The following KCNQ1OT1 variants were observed in gnomAD, a reference collection of about 807,000 sequenced individuals.
KCNQ1OT1 encodes the protein KCNQ1 antisense RNA 2 (non-protein coding).
rs1469210147 is a variant in KCNQ1OT1, at chr11:2,690,896, GT to G, written n.9098del. The G allele has an allele frequency of 2.5e-6, 1 of 398,506 alleles. No individual in the cohort carries two copies. The highest frequency in any genetic ancestry group is 3.6e-5 in the East Asian group (1 of 28,094). 24.7% of individuals were successfully genotyped at this position (398,506 alleles called of 1,614,324 possible). On this transcript the variant is annotated non_coding_transcript_exon_variant, in exon 1 of 1. Transcript: ENST00000597346. The surrounding 1 kb of genome is among the most constrained non-coding windows in gnomAD (Gnocchi z 5.1). ...AGTGTAAGCCACTGTTTCCGTCTGG[GT>G]TTTGTCATGTGTAGGTCCCAGCGGC... is the stretch of plus-strand genomic sequence containing the variant.
In KCNQ1OT1 at chr11:2,674,041, C is replaced by T; in HGVS notation, n.25954G>A. ...GCTCTTTGGGCCTGGGGTGCAGCCC[C>T]TCATTTGTACTTGCTGGCTGCCCCA... On this transcript the variant is annotated non_coding_transcript_exon_variant, in exon 1 of 1. Transcript: ENST00000597346. This position sits in a 1 kb window ranked among gnomAD's most constrained non-coding sequence, Gnocchi z 5.9. 1 of 398,522 alleles carries T rather than the reference C, an allele frequency of 2.5e-6. No homozygotes were observed. Among genetic ancestry groups the T allele is most frequent in the Admixed American group, 4.4e-5 (1 of 22,724 alleles). 24.7% of individuals were successfully genotyped at this position (398,522 alleles called of 1,614,324 possible).
At position 2,691,012 on chromosome 11, in the gene KCNQ1OT1, G is replaced by A. The variant is rs577095860; in HGVS notation, n.8983C>T. ...CATCAATGAAGTGGGCAAAAGCTCT[G>A]GGTGAACTCTTGGCTCAGGTATCAG... On this transcript the variant is annotated non_coding_transcript_exon_variant, in exon 1 of 1. Coordinates refer to ENST00000597346, the Ensembl canonical transcript of KCNQ1OT1. The surrounding 1 kb of genome is among the most constrained non-coding windows in gnomAD (Gnocchi z 6.4). 4 of 398,658 alleles carry A rather than the reference G, an allele frequency of 1.0e-5. No homozygotes were observed. The highest frequency in any genetic ancestry group is 2.5e-4 in the South Asian group (2 of 7,856). 24.7% of individuals were successfully genotyped at this position (398,658 alleles called of 1,614,324 possible).
exon 1 of KCNQ1OT1, chr11:2,666,046 G>A (rs1230766472): frequency 1.5e-5 from 6 of 398,490 alleles, no homozygotes; most frequent in Non-Finnish European, 2.2e-5. Flanking sequence ...TGAGATAGAC[G>A]GCCCAAGAGG....
exon 1 of KCNQ1OT1, chr11:2,666,912 C>T (rs957645867): frequency 2.5e-6 from 1 of 398,678 alleles, no homozygotes. Flanking sequence ...AGTGTCCTGT[C>T]TTCTGCAAAG....
Position 2,679,814 on chromosome 11 carries a change from C to A in KCNQ1OT1, n.20181G>T. The stretch of plus-strand genomic sequence containing the variant: ...TTGAGGGCTAGAGGAGCACAAGGGG[C>A]CAGACTGCTGCTACTTCTGAATTTT... On this transcript the variant is annotated non_coding_transcript_exon_variant, in exon 1 of 1. Coordinates refer to ENST00000597346, the Ensembl canonical transcript of KCNQ1OT1. The surrounding 1 kb of genome is among the most constrained non-coding windows in gnomAD (Gnocchi z 4.8). 5.0e-6 allele frequency: 2 copies of A among 398,520 alleles called. No individual in the cohort carries two copies. Among genetic ancestry groups the A allele is most frequent in the Non-Finnish European group, 8.8e-6 (2 of 226,058 alleles). 24.7% of individuals were successfully genotyped at this position (398,520 alleles called of 1,614,324 possible).
rs35889184 is a variant in KCNQ1OT1, at chr11:2,671,276, A to G, written n.28719T>C. 11,911 of 398,618 alleles carry G rather than the reference A, an allele frequency of 0.03. 229 individuals carry two copies. Among genetic ancestry groups the G allele is most frequent in the Non-Finnish European group, 0.041 (9,238 of 226,068 alleles). 24.7% of individuals were successfully genotyped at this position (398,618 alleles called of 1,614,324 possible). A position where few individuals can be genotyped will look rare whatever the true frequency, so the allele number is the denominator to read the frequency against. On this transcript the variant is annotated non_coding_transcript_exon_variant, in exon 1 of 1. Coordinates refer to ENST00000597346, the Ensembl canonical transcript of KCNQ1OT1. This position sits in a 1 kb window ranked among gnomAD's most constrained non-coding sequence, Gnocchi z 4.7. ...ATGTCCCCACCATCCCCAGCCCCTTAGCCTCTGATCTTCTCCATAAGTAAT... is the reference window on the plus strand; with the variant it reads ...ATGTCCCCACCATCCCCAGCCCCTTGGCCTCTGATCTTCTCCATAAGTAAT...
At position 2,633,201 on chromosome 11, in the gene KCNQ1OT1, T is replaced by C. The variant is rs551812805; in HGVS notation, n.66794A>G. The C allele has an allele frequency of 3.0e-5, 12 of 398,562 alleles. No homozygotes were observed. The South Asian group carries it at 1.5e-3, about 51-fold the overall frequency. 24.7% of individuals were successfully genotyped at this position (398,562 alleles called of 1,614,324 possible). A position where few individuals can be genotyped will look rare whatever the true frequency, so the allele number is the denominator to read the frequency against. On this transcript the variant is annotated non_coding_transcript_exon_variant, in exon 1 of 1. Coordinates refer to ENST00000597346, the Ensembl canonical transcript of KCNQ1OT1. ...TTTTTTCACATACCTGTTGGCCAGTTGTTCTATTTTGCACATTTCTAAATC... is the reference window on the plus strand; with the variant it reads ...TTTTTTCACATACCTGTTGGCCAGTCGTTCTATTTTGCACATTTCTAAATC...
chr11:2,646,537 G>A (rs1045990131), exon 1 of KCNQ1OT1: 4 of 398,524 alleles, frequency 1.0e-5, no homozygotes, highest in Non-Finnish European at 1.8e-5. Flanking sequence ...GGGGAGGCAG[G>A]GGAGTGCAGA....
exon 1 of KCNQ1OT1, chr11:2,650,968 C>A (rs1053803643): frequency 2.5e-6 from 1 of 398,082 alleles, no homozygotes; most frequent in Non-Finnish European, 4.4e-6. Context: ...TCTAATCTAT[C>A]AGTATGTCTT....
rs747823720 is a variant in KCNQ1OT1, at chr11:2,617,531, C to T, written n.82464G>A. 1.0e-5 allele frequency: 4 copies of T among 398,374 alleles called. No individual in the cohort carries two copies. Among genetic ancestry groups the T allele is most frequent in the Non-Finnish European group, 1.8e-5 (4 of 225,948 alleles). The allele number at this position is 398,374 out of a possible 1,614,324, so 24.7% of individuals were successfully genotyped here. On this transcript the variant is annotated non_coding_transcript_exon_variant, in exon 1 of 1. Coordinates refer to ENST00000597346, the Ensembl canonical transcript of KCNQ1OT1. The surrounding 1 kb of genome is among the most constrained non-coding windows in gnomAD (Gnocchi z 4.6). ...TAATGCCACAATGAATATAGGAGCGCAGATATCTTTATGAGGTGGAGATTT... is the reference window on the plus strand; with the variant it reads ...TAATGCCACAATGAATATAGGAGCGTAGATATCTTTATGAGGTGGAGATTT...
rs1379393032 is a variant in KCNQ1OT1 at position 2,624,139 on chromosome 11, T to A, written n.75856A>T. 7.5e-6 allele frequency: 3 copies of A among 398,442 alleles called. No individual in the cohort carries two copies. 24.7% of individuals were successfully genotyped at this position (398,442 alleles called of 1,614,324 possible). ...TAAGCGTGTAGATATATCACATTTCTTGTTTTAATTTCCATTTCCCTAATG... is the reference window on the plus strand; with the variant it reads ...TAAGCGTGTAGATATATCACATTTCATGTTTTAATTTCCATTTCCCTAATG... On this transcript the variant is annotated non_coding_transcript_exon_variant, in exon 1 of 1. Transcript: ENST00000597346. This position sits in a 1 kb window ranked among gnomAD's most constrained non-coding sequence, Gnocchi z 4.9.
rs1267567744 is a variant in KCNQ1OT1 at position 2,612,181 on chromosome 11, G to C, written n.87814C>G. 2.0e-5 allele frequency: 8 copies of C among 398,556 alleles called. No individual in the cohort carries two copies. In the South Asian group the frequency reaches 6.4e-4, roughly 32 times the overall value. 24.7% of individuals were successfully genotyped at this position (398,556 alleles called of 1,614,324 possible). A position where few individuals can be genotyped will look rare whatever the true frequency, so the allele number is the denominator to read the frequency against. On this transcript the variant is annotated non_coding_transcript_exon_variant, in exon 1 of 1. Coordinates refer to ENST00000597346, the Ensembl canonical transcript of KCNQ1OT1. The surrounding 1 kb of genome is among the most constrained non-coding windows in gnomAD (Gnocchi z 5.5). The stretch of plus-strand genomic sequence containing the variant: ...GCTACACAGCAGGAGGTGAGCAGCA[G>C]GCAAGCAAGCATTACTGCCTGAGCT...
In KCNQ1OT1 at chr11:2,661,996, C is replaced by T. The variant is rs1162587598; in HGVS notation, n.37999G>A. 1.2e-6 allele frequency: 2 copies of T among 1,614,190 alleles called. No individual in the cohort carries two copies. The highest frequency in any genetic ancestry group is 2.2e-5 in the East Asian group (1 of 44,876). ...CCCAACACTGCTGGAAGTGAGCATG[C>T]CCCATTTCATGAGAACCAACAGCTT... On this transcript the variant is annotated non_coding_transcript_exon_variant, in exon 1 of 1. Coordinates refer to ENST00000597346, the Ensembl canonical transcript of KCNQ1OT1. The surrounding 1 kb of genome is among the most constrained non-coding windows in gnomAD (Gnocchi z 5.9).
chr11:2,656,363 A>T, exon 1 of KCNQ1OT1: 1 of 398,666 alleles, frequency 2.5e-6, no homozygotes, highest in Non-Finnish European at 4.4e-6. Context: ...CAAGCCTTAC[A>T]GGTCCTTCCC....
chr11:2,662,152 G>A, exon 1 of KCNQ1OT1: 3 of 1,603,190 alleles, frequency 1.9e-6, no homozygotes, highest in Admixed American at 3.3e-5. Context: ...ACTTGGTGCT[G>A]GGGAAGCCTT....
At chr11:2,615,616 G>T (rs1210019478) in exon 1 of KCNQ1OT1, 15 of 397,824 alleles carry the variant, frequency 3.8e-5, no homozygotes, top group Admixed American at 2.2e-4. Flanking sequence ...TCAAATGCTT[G>T]TTCTGAGTGA....
Position 2,673,700 on chromosome 11 carries a change from T to A in KCNQ1OT1, n.26295A>T. On this transcript the variant is annotated non_coding_transcript_exon_variant, in exon 1 of 1. Coordinates refer to ENST00000597346, the Ensembl canonical transcript of KCNQ1OT1. The surrounding 1 kb of genome is among the most constrained non-coding windows in gnomAD (Gnocchi z 4.5). ...TCCTATAAATGTTTAATTCCTGAGG[T>A]TGCTGAATCTCAGGGCTTGGAAGGC... 2.5e-6 allele frequency: 1 copy of A among 398,580 alleles called. No homozygotes were observed. Among genetic ancestry groups the A allele is most frequent in the East Asian group, 3.6e-5 (1 of 27,978 alleles). 24.7% of individuals were successfully genotyped at this position (398,580 alleles called of 1,614,324 possible).
chr11:2,694,784 G>A (rs971143375), exon 1 of KCNQ1OT1: 2 of 398,188 alleles, frequency 5.0e-6, no homozygotes, highest in Non-Finnish European at 8.8e-6. Context: ...GCTTTGCAGA[G>A]ACTCGAAAGG....
rs1850026513 is a variant in KCNQ1OT1, at chr11:2,664,457, C to A, written n.35538G>T. 1 of 398,730 alleles carries A rather than the reference C, an allele frequency of 2.5e-6. No individual in the cohort carries two copies. The highest frequency in any genetic ancestry group is 4.4e-5 in the Admixed American group (1 of 22,740). 24.7% of individuals were successfully genotyped at this position (398,730 alleles called of 1,614,324 possible). On this transcript the variant is annotated non_coding_transcript_exon_variant, in exon 1 of 1. Coordinates refer to ENST00000597346, the Ensembl canonical transcript of KCNQ1OT1. This position sits in a 1 kb window ranked among gnomAD's most constrained non-coding sequence, Gnocchi z 5.1. ...AACCCAGGCTCCTCTGGGATACAGG[C>A]TGGGTAGAGGCCCCACTCCATCTGG...
Sources: gnomAD v4.1 joint callset for allele counts on GRCh38, gnomAD v4.1.1 for gene constraint, Gnocchi (gnomAD v3.1) non-coding constraint, MANE v1.5 for transcripts, NCBI Gene and HGNC (gene_info 2026-07-23, HGNC 2026-07-21) for gene names.